BICC1: variants seen among roughly 807,000 people sequenced by gnomAD.
BICC1 encodes the protein protein bicaudal C homolog 1.
BICC1 carries 43 observed loss-of-function variants against 111.0 expected under a neutral mutation model. That is an observed-to-expected ratio of 0.39 (90% confidence interval 0.30 to 0.50). The LOEUF (loss-of-function observed/expected upper bound fraction) is 0.50, where lower values mean the gene tolerates loss of function less well. Ranked by LOEUF, BICC1 falls within the 20% of genes least tolerant of loss-of-function variation. The pLI is 0.88. For missense variants in BICC1, 1,091 were observed against 1,203.2 expected (o/e 0.91, Z 1.38); for synonymous variants, 467 against 434.4 (o/e 1.07, Z -0.93).
intron 3 of BICC1, among the ~76,000 whole-genome samples, chr10:58,719,887 C>T (rs1373844065): frequency 6.6e-6 from 1 of 152,104 alleles, no homozygotes; most frequent in Admixed American, 6.6e-5. Flanking sequence ...CATAATGTTC[C>T]CAACTGAACA....
At chr10:58,688,685 T>A (rs767293095) in intron 2 of BICC1, among the ~76,000 whole-genome samples, 5 of 152,178 alleles carry the variant, frequency 3.3e-5, no homozygotes, top group Non-Finnish European at 5.9e-5. Flanking sequence ...ATACACCATG[T>A]AATACTATGC....
chr10:58,605,099 A>G (rs992510352), intron 1 of BICC1, among the ~76,000 whole-genome samples: 2 of 152,348 alleles, frequency 1.3e-5, no homozygotes, highest in African/African-American at 4.8e-5. Flanking sequence ...AAGGCAAAAC[A>G]TTTAGACCAG....
At chr10:58,687,186 C>A (rs978990633) in intron 2 of BICC1, among the ~76,000 whole-genome samples, 1 of 152,212 alleles carries the variant, frequency 6.6e-6, no homozygotes, top group Non-Finnish European at 1.5e-5. Context: ...TGCAGAACAG[C>A]AAATATTGCT....
chr10:58,513,263 C>T lies in BICC1; in HGVS notation c.120C>T (p.Thr40=). ...AGGACGACTTGGTCGCCGGGGCGAC[C>T]CTGCACAGCCCGGAGTGGAGCGAGG... ...GSEDDLVAGA[T]LHSPEWSEER... is the part of the protein sequence containing the mutation. Residue 40 remains threonine (T), a synonymous_variant, in exon 1 of 21, where the codon ACC becomes ACT. Transcript: ENST00000373886. 6.2e-7 allele frequency: 1 copy of T among 1,613,164 alleles called. No homozygotes were observed. Among genetic ancestry groups the T allele is most frequent in the South Asian group, 1.1e-5 (1 of 90,990 alleles).
intron 1 of BICC1, among the ~76,000 whole-genome samples, chr10:58,513,647 G>A (rs900901566): frequency 3.9e-4 from 59 of 152,320 alleles, no homozygotes; most frequent in African/African-American, 1.4e-3. Flanking sequence ...ACTTTAGCCC[G>A]GACACCTGGG....
Position 58,525,717 on chromosome 10 carries a change from A to G in BICC1, c.190+12384A>G, listed in dbSNP as rs757244057. Among the ~76,000 whole-genome samples the G allele has an allele frequency of 2.3e-5, 3 of 128,792 alleles. 1 individual carries two copies. Among genetic ancestry groups the G allele is most frequent in the Non-Finnish European group, 5.2e-5 (3 of 57,280 alleles). The allele number at this position is 128,792 out of a possible 152,430, so 84.5% of individuals were successfully genotyped here. On this transcript the variant is annotated intron_variant, in intron 1 of 20. Transcript: ENST00000373886. ...CCCTAAAACTTTAATAATAAAAAAA[A>G]TTTTTTAAAGCAATACAAGGAAGCT... is the stretch of plus-strand genomic sequence containing the variant.
intron 2 of BICC1, among the ~76,000 whole-genome samples, chr10:58,654,162 A>G (rs1838548856): frequency 7.8e-6 from 1 of 128,186 alleles, no homozygotes; most frequent in Non-Finnish European, 1.6e-5. Context: ...GTGTCTTTAT[A>G]GCAGCATGAT....
chr10:58,764,400 G>T (rs1177794214), intron 3 of BICC1, among the ~76,000 whole-genome samples: 1 of 152,082 alleles, frequency 6.6e-6, no homozygotes, highest in Non-Finnish European at 1.5e-5. Context: ...CCCTGTTCTC[G>T]ACACATTATT....
At chr10:58,623,803 T>C (rs752035184) in intron 2 of BICC1, among the ~76,000 whole-genome samples, 26 of 152,094 alleles carry the variant, frequency 1.7e-4, no homozygotes, top group Non-Finnish European at 3.7e-4. Context: ...CAGGCCTGAA[T>C]GTGGCACCTG....
rs1842585827 is a variant in BICC1, at chr10:58,770,210, T to A, written c.308-14791T>A. On this transcript the variant is annotated intron_variant, in intron 3 of 20. Coordinates refer to ENST00000373886, the MANE Select transcript of BICC1 (RefSeq NM_001080512.3). ...ATATATATTGTAGAAATGTTAGGAA[T>A]TTGTGGTAAATTAGTCTTCATTGAT... Among the ~76,000 whole-genome samples, 3 of 152,110 alleles carry A rather than the reference T, an allele frequency of 2.0e-5. No individual in the cohort carries two copies. The South Asian group carries it at 6.2e-4, about 31-fold the overall frequency.
At chr10:58,706,110 A>G (rs776519604) in intron 3 of BICC1, among the ~76,000 whole-genome samples, 7 of 152,226 alleles carry the variant, frequency 4.6e-5, no homozygotes, top group Non-Finnish European at 7.3e-5. Flanking sequence ...TCTCCTTTAC[A>G]TTGAAAAATT....
chr10:58,622,574 T>C (rs140791329), intron 2 of BICC1, among the ~76,000 whole-genome samples: 23 of 152,350 alleles, frequency 1.5e-4, no homozygotes, highest in African/African-American at 5.0e-4. Flanking sequence ...AATAACTAGA[T>C]GGGAGTACAT....
At chr10:58,787,942 G>T (rs1467907484) in intron 5 of BICC1, among the ~76,000 whole-genome samples, 1 of 152,092 alleles carries the variant, frequency 6.6e-6, no homozygotes, top group Non-Finnish European at 1.5e-5. Flanking sequence ...GTAGATGTTG[G>T]AGCAATGATT....
intron 2 of BICC1, among the ~76,000 whole-genome samples, chr10:58,627,830 A>C (rs1837677309): frequency 6.6e-6 from 1 of 152,230 alleles, no homozygotes; most frequent in Non-Finnish European, 1.5e-5. Context: ...ATATATAAAG[A>C]TATTCATTGT....
At chr10:58,542,691 C>T (rs1208375112) in intron 1 of BICC1, among the ~76,000 whole-genome samples, 2 of 151,802 alleles carry the variant, frequency 1.3e-5, no homozygotes, top group African/African-American at 4.8e-5. Context: ...TAAAAATGGG[C>T]AAAGGACTCG....
At position 58,769,402 on chromosome 10, in the gene BICC1, GTGTA is replaced by G. The variant is rs777949176; in HGVS notation, c.308-15597_308-15594del. On this transcript the variant is annotated intron_variant, in intron 3 of 20. Transcript: ENST00000373886. ...TGTGTGTGTGTGTGTGTGTGTGTGT[GTGTA>G]TATATATATATATATATATAATCAC... is the stretch of plus-strand genomic sequence containing the variant. 5.2e-3 allele frequency among the ~76,000 whole-genome samples: 583 copies of G among 112,218 alleles called. 2 individuals carry two copies. Among genetic ancestry groups the G allele is most frequent in the Middle Eastern group, 9.9e-3 (2 of 202 alleles). The allele number at this position is 112,218 out of a possible 152,430, so 73.6% of individuals were successfully genotyped here.
chr10:58,663,837 T>G (rs1838924320), intron 2 of BICC1, among the ~76,000 whole-genome samples: 1 of 152,232 alleles, frequency 6.6e-6, no homozygotes, highest in African/African-American at 2.4e-5. Context: ...GTCTTTTGTC[T>G]TCTTTTATTT....
intron 8 of BICC1, among the ~76,000 whole-genome samples, chr10:58,792,949 A>G (rs1730657654): frequency 6.6e-6 from 1 of 152,122 alleles, no homozygotes; most frequent in Admixed American, 6.6e-5. Context: ...AAAGTACAAG[A>G]TCCTCTTAAA....
Position 58,803,181 on chromosome 10 carries a change from C to T in BICC1, c.2120C>T (p.Ala707Val), listed in dbSNP as rs1378977241. Residue 707 changes from alanine to valine, a missense_variant, in exon 15 of 21, where the codon GCT (alanine) becomes GTT (valine). Around this residue, in one of 3 missense-constraint regions of BICC1, gnomAD observed 843 missense variants for 900.8 expected, o/e 0.94. Coordinates refer to ENST00000373886, the MANE Select transcript of BICC1 (RefSeq NM_001080512.3). ...GSERAAERAA[A>V]AQQNSERAHL... ...GAGCGCGCTGCAGAGAGGGCAGCAG[C>T]TGCCCAGCAAAACTCCGAAAGGGCC... The T allele has an allele frequency of 6.2e-7, 1 of 1,610,822 alleles. No individual in the cohort carries two copies. Among genetic ancestry groups the T allele is most frequent in the Admixed American group, 1.7e-5 (1 of 59,632 alleles).
Sources: gnomAD v4.1 joint callset for allele counts (sites outside exome capture counted in the v4.1 genomes callset) on GRCh38, gnomAD v4.1.1 for gene constraint, gnomAD v4.1.1 regional missense constraint, MANE v1.5 for transcripts, NCBI Gene and HGNC (gene_info 2026-07-23, HGNC 2026-07-21) for gene names.